Variants in GABRB2 observed in about 807,000 individuals in gnomAD.
The protein encoded by GABRB2 is gamma-aminobutyric acid receptor subunit beta-2.
A neutral mutation model predicts 54.7 loss-of-function variants in GABRB2; 16 were observed. That is an observed-to-expected ratio of 0.29 (90% CI 0.20 to 0.44). The LOEUF (loss-of-function observed/expected upper bound fraction) is 0.44. Ranked by LOEUF, GABRB2 falls within the 20% of genes least tolerant of loss-of-function variation. The pLI, the probability that GABRB2 is intolerant of heterozygous loss-of-function variation, is 1.00. For synonymous variants in GABRB2, 244 were observed against 233.8 expected, an observed-to-expected ratio of 1.04 and a Z score of -0.40; for missense variants, 355 against 644.0, an observed-to-expected ratio of 0.55 and a Z score of 4.86.
At chr5:161,500,701 A>G (rs1224071680) in intron 3 of GABRB2, among the ~76,000 whole-genome samples, 2 of 152,182 alleles carry the variant, frequency 1.3e-5, no homozygotes, top group African/African-American at 4.8e-5. Context: ...TTGCAGGGAG[A>G]TTATTGATAA....
rs545766277 is a variant in GABRB2, at chr5:161,324,025, CT to C, written c.1191+2342del. On this transcript the variant is annotated intron_variant, in intron 9 of 9. Coordinates refer to ENST00000393959, the MANE Select transcript of GABRB2 (RefSeq NM_001371727.1). ...TATACTTGTTTATAATGGAAAATCA[CT>C]TAGAAACAATGCAAACATCAAACAA... Among the ~76,000 whole-genome samples, 11 of 152,188 alleles carry C rather than the reference CT, an allele frequency of 7.2e-5. No individual in the cohort carries two copies. The South Asian group carries it at 1.9e-3, about 26-fold the overall frequency.
intron 3 of GABRB2, among the ~76,000 whole-genome samples, chr5:161,505,785 T>C (rs970155074): frequency 1.1e-4 from 17 of 152,084 alleles, no homozygotes; most frequent in African/African-American, 3.6e-4. Context: ...ATAAATAGGA[T>C]GGAATTTTCT....
intron 4 of GABRB2, among the ~76,000 whole-genome samples, chr5:161,413,705 AG>A (rs1756585782): frequency 6.6e-6 from 1 of 152,242 alleles, no homozygotes. Flanking sequence ...GTAAAATGGC[AG>A]AAATAATCCT....
chr5:161,294,836 G>A (rs933147007), intron 9 of GABRB2, among the ~76,000 whole-genome samples: 1 of 152,144 alleles, frequency 6.6e-6, no homozygotes, highest in East Asian at 1.9e-4. Context: ...ACTGAATTGT[G>A]CTCATAATAG....
At chr5:161,472,410 A>T (rs534883184) in intron 3 of GABRB2, among the ~76,000 whole-genome samples, 4 of 150,940 alleles carry the variant, frequency 2.7e-5, no homozygotes, top group Non-Finnish European at 5.9e-5. Context: ...TCCCTCCAAA[A>T]CACACACACA....
At chr5:161,378,476 T>A (rs1478266641) in intron 5 of GABRB2, among the ~76,000 whole-genome samples, 1 of 152,160 alleles carries the variant, frequency 6.6e-6, no homozygotes, top group African/African-American at 2.4e-5. Flanking sequence ...TGGTCACACA[T>A]GTTTGGCTTC....
chr5:161,518,197 T>G (rs1009065894), intron 3 of GABRB2, among the ~76,000 whole-genome samples: 1 of 152,238 alleles, frequency 6.6e-6, no homozygotes, highest in Non-Finnish European at 1.5e-5. Flanking sequence ...GGGAAGATTC[T>G]ATTCTTAACA....
At chr5:161,370,752 G>A (rs1755106371) in intron 5 of GABRB2, among the ~76,000 whole-genome samples, 1 of 152,178 alleles carries the variant, frequency 6.6e-6, no homozygotes, top group Admixed American at 6.5e-5. Flanking sequence ...AAAACCTGAA[G>A]TCAACAGGCA....
At chr5:161,492,009 A>G (rs928693709) in intron 3 of GABRB2, among the ~76,000 whole-genome samples, 1 of 151,632 alleles carries the variant, frequency 6.6e-6, no homozygotes, top group Admixed American at 6.6e-5. Context: ...GCAAAAACAG[A>G]TTAATAACTA....
chr5:161,427,074 T>C (rs1358742930), intron 4 of GABRB2, among the ~76,000 whole-genome samples: 1 of 152,150 alleles, frequency 6.6e-6, no homozygotes, highest in Non-Finnish European at 1.5e-5. Flanking sequence ...TTTCTCTTTC[T>C]CTTAAAAAAT....
chr5:161,498,625 T>C (rs950619660), intron 3 of GABRB2, among the ~76,000 whole-genome samples: 4 of 152,154 alleles, frequency 2.6e-5, no homozygotes, highest in African/African-American at 9.7e-5. Flanking sequence ...GGCTTGTCTG[T>C]CATAATGTAA....
chr5:161,506,142 T>A (rs1349344635), intron 3 of GABRB2, among the ~76,000 whole-genome samples: 1 of 151,968 alleles, frequency 6.6e-6, no homozygotes, highest in African/African-American at 2.4e-5. Context: ...CAATTATACA[T>A]CAGGAAAATA....
chr5:161,507,987 T>C (rs563478029), intron 3 of GABRB2, among the ~76,000 whole-genome samples: 1 of 151,902 alleles, frequency 6.6e-6, no homozygotes, highest in Non-Finnish European at 1.5e-5. Context: ...GACCCAGTAA[T>C]CCCACTTGTA....
At chr5:161,417,455 T>C (rs1224394851) in intron 4 of GABRB2, among the ~76,000 whole-genome samples, 2 of 152,176 alleles carry the variant, frequency 1.3e-5, no homozygotes, top group East Asian at 1.9e-4. Context: ...ATATGAATTT[T>C]GGATGTTTGA....
intron 9 of GABRB2, among the ~76,000 whole-genome samples, chr5:161,305,866 T>C (rs171677): frequency 0.11 from 16,597 of 152,238 alleles, 1,052 homozygotes; most frequent in Non-Finnish European, 0.14. Flanking sequence ...AGCTATGTTT[T>C]TTTCCCTGGG....
intron 3 of GABRB2, among the ~76,000 whole-genome samples, chr5:161,501,150 A>G (rs1247110028): frequency 1.3e-5 from 2 of 152,192 alleles, no homozygotes; most frequent in African/African-American, 2.4e-5. Context: ...CTGTAAAAAC[A>G]TTCATTATAA....
In GABRB2 at chr5:161,386,456, AT is replaced by A. The variant is rs372335733; in HGVS notation, c.541+24518del. Among the ~76,000 whole-genome samples, 65 of 152,294 alleles carry A rather than the reference AT, an allele frequency of 4.3e-4. No individual in the cohort carries two copies. The East Asian group carries it at 8.1e-3, about 19-fold the overall frequency. ...CATACATTCCAGGAAGCTGAGTGAT[AT>A]TTAGAATGCTGTCAAATAACTTAAG... On this transcript the variant is annotated intron_variant, in intron 5 of 9. Transcript: ENST00000393959.
At chr5:161,485,565 T>C (rs1295228695) in intron 3 of GABRB2, among the ~76,000 whole-genome samples, 5 of 151,970 alleles carry the variant, frequency 3.3e-5, no homozygotes, top group Admixed American at 1.3e-4. Context: ...ATTCATTTTA[T>C]AGTACCTGTC....
intron 5 of GABRB2, among the ~76,000 whole-genome samples, chr5:161,350,705 A>G (rs1754448911): frequency 6.6e-6 from 1 of 152,080 alleles, no homozygotes; most frequent in Admixed American, 6.6e-5. Context: ...GGTGGGCACC[A>G]TCTAATTAGC....
Sources: allele counts gnomAD v4.1 joint callset (sites outside exome capture counted in the v4.1 genomes callset), GRCh38; gene constraint gnomAD v4.1.1; transcripts MANE v1.5; gene names NCBI Gene and HGNC (gene_info 2026-07-23, HGNC 2026-07-21).